NID2: variants seen among roughly 807,000 people sequenced by gnomAD.
NID2 encodes nidogen-2.
A neutral mutation model predicts 145.4 loss-of-function variants in NID2; 83 were observed. That is an observed-to-expected ratio of 0.57 (90% confidence interval 0.48 to 0.69). The LOEUF is 0.69. Ranked by LOEUF, NID2 falls within the 30% of genes least tolerant of loss-of-function variation. The pLI, the probability that NID2 is intolerant of heterozygous loss-of-function variation, is 0.00. For synonymous variants in NID2, 739 were observed against 701.3 expected, an observed-to-expected ratio of 1.05 and a Z score of -0.85; for missense variants, 1,807 against 1,765.7, an observed-to-expected ratio of 1.02 and a Z score of -0.42.
chr14:52,005,327 T>G lies in NID2; in HGVS notation c.*159A>C. The G allele has an allele frequency of 1.8e-6, 1 of 541,078 alleles. No individual in the cohort carries two copies. The highest frequency in any genetic ancestry group is 3.1e-5 in the East Asian group (1 of 32,076). 33.5% of individuals were successfully genotyped at this position (541,078 alleles called of 1,614,324 possible). A position where few individuals can be genotyped will look rare whatever the true frequency, so the allele number is the denominator to read the frequency against. ...CAGTAGTAAAGATTGAGGTATCAGC[T>G]TTTCACAAAAGTCTTTTTGCACTAC... On this transcript the variant is annotated 3_prime_UTR_variant, in exon 22 of 22. Transcript: ENST00000216286.
Position 52,019,289 on chromosome 14 carries a change from T to G in NID2, c.2800A>C (p.Thr934Pro). The change falls in exon 14 of 22, where the codon ACC (threonine) becomes CCC (proline). Residue 934 changes from threonine (T) to proline (P), a missense_variant. By Grantham distance (38) the Thr-to-Pro change is conservative. Coordinates refer to ENST00000216286, the MANE Select transcript of NID2 (RefSeq NM_007361.4). ...TGTTCACAGGGTGTCAGGCTTGAGG[T>G]GGAGTCTTCCAGGATCAAGGCAGAG... ...GDGFQCIPDSTSSLTPCEQQQ... is the reference protein window; with the variant it reads ...GDGFQCIPDSPSSLTPCEQQQ... 1 of 1,582,660 alleles carries G rather than the reference T, an allele frequency of 6.3e-7. No homozygotes were observed. The highest frequency in any genetic ancestry group is 8.6e-7 in the Non-Finnish European group (1 of 1,156,764).
chr14:52,064,704 A>T (rs950004101), intron 2 of NID2, among the ~76,000 whole-genome samples: 1 of 152,144 alleles, frequency 6.6e-6, no homozygotes, highest in Admixed American at 6.5e-5. Flanking sequence ...TGACTCCTTC[A>T]TCCATTTCTC....
At chr14:52,046,012 A>G (rs1892477861) in intron 5 of NID2, among the ~76,000 whole-genome samples, 1 of 152,180 alleles carries the variant, frequency 6.6e-6, no homozygotes, top group Non-Finnish European at 1.5e-5. Context: ...TAAAAAGGCA[A>G]TCTGCTATAG....
At chr14:52,058,975 T>C (rs1172010018) in intron 3 of NID2, among the ~76,000 whole-genome samples, 1 of 151,674 alleles carries the variant, frequency 6.6e-6, no homozygotes, top group Non-Finnish European at 1.5e-5. Flanking sequence ...CCAATGTGGA[T>C]CATAAGGATG....
rs1377678729 is a variant in NID2, at chr14:52,007,983, C to G, written c.3723-16G>C. 1.4e-5 allele frequency: 23 copies of G among 1,590,330 alleles called. No homozygotes were observed. Among genetic ancestry groups the G allele is most frequent in the Admixed American group, 1.9e-5 (1 of 53,970 alleles). On this transcript the variant is annotated splice_polypyrimidine_tract_variant and intron_variant, in intron 18 of 21. Transcript: ENST00000216286. ...GTACAAGTTGCTGTAAGTTAAAAAT[C>G]AAGATTGTAAAAGAATAGCCATGTA... is the stretch of plus-strand genomic sequence containing the variant.
intron 16 of NID2, 76 bp from the exon 17 acceptor site, chr14:52,011,759 T>TG: frequency 1.9e-6 from 3 of 1,543,088 alleles, no homozygotes; most frequent in African/African-American, 1.4e-5. Flanking sequence ...GCCTTGCTCA[T>TG]GCACAGCTGC....
rs2140442250 is a variant in NID2, at chr14:52,068,146, G to T, written c.246C>A (p.Ile82=). Reference sequence around the variant, plus strand: ...CCCTGGGGAAGTCCTGAGTGGAGATGATGCCGTTGGTGCCCACCTGGGAGA... The same window carrying T: ...CCCTGGGGAAGTCCTGAGTGGAGATTATGCCGTTGGTGCCCACCTGGGAGA... ...FSNLYVGTNG[I]ISTQDFPRET... is the part of the protein sequence containing the mutation. The change falls in exon 2 of 22, where the codon ATC becomes ATA. Residue 82 remains isoleucine, a synonymous_variant. Transcript: ENST00000216286. 1 of 1,613,158 alleles carries T rather than the reference G, an allele frequency of 6.2e-7. No homozygotes were observed. Among genetic ancestry groups the T allele is most frequent in the East Asian group, 2.2e-5 (1 of 44,872 alleles).
chr14:52,023,251 T>C (rs868726870), intron 12 of NID2, among the ~76,000 whole-genome samples: 3 of 151,154 alleles, frequency 2.0e-5, no homozygotes, highest in African/African-American at 7.3e-5. Context: ...CTGAGGGGGG[T>C]AGATCGATTG....
At chr14:52,050,133 C>T (rs953736871) in intron 5 of NID2, among the ~76,000 whole-genome samples, 6 of 152,192 alleles carry the variant, frequency 3.9e-5, no homozygotes, top group East Asian at 1.9e-4. Flanking sequence ...AATTAAGCTG[C>T]GTATAGCACT....
intron 1 of NID2, 87 bp downstream of exon 1, chr14:52,068,680 T>C: frequency 8.1e-7 from 1 of 1,240,326 alleles, no homozygotes; most frequent in Non-Finnish European, 1.1e-6. Flanking sequence ...GTGGGGTCTG[T>C]TTCCTCCCCT....
intron 14 of NID2, among the ~76,000 whole-genome samples, chr14:52,018,139 G>GA (rs751626205): frequency 7.9e-5 from 12 of 152,022 alleles, no homozygotes; most frequent in Non-Finnish European, 1.3e-4. Context: ...CATTAAAAGG[G>GA]AAAAAAACTA....
At chr14:52,008,971 G>A (rs1418190313) in intron 18 of NID2, 1 of 152,176 alleles carries the variant, frequency 6.6e-6, no homozygotes, top group African/African-American at 2.4e-5. Context: ...GTGGAAATAG[G>A]TTATAAGGAA....
At chr14:52,055,539 T>C (rs1892817230) in intron 3 of NID2, among the ~76,000 whole-genome samples, 1 of 152,198 alleles carries the variant, frequency 6.6e-6, no homozygotes, top group Non-Finnish European at 1.5e-5. Flanking sequence ...GTTTTCTCCA[T>C]GAGAAAAGAA....
intron 19 of NID2, 120 bp from the exon 20 acceptor site, chr14:52,006,780 CAT>C: frequency 9.5e-7 from 1 of 1,056,410 alleles, no homozygotes; most frequent in Non-Finnish European, 1.4e-6. Context: ...CCATTACAGT[CAT>C]AGATTAGCAA....
In NID2 at chr14:52,068,179, G is replaced by A. The variant is rs1893294698; in HGVS notation, c.229-16C>T. The A allele has an allele frequency of 2.5e-6, 4 of 1,610,828 alleles. No individual in the cohort carries two copies. The highest frequency in any genetic ancestry group is 1.1e-5 in the South Asian group (1 of 90,192). ...TGGTGCCCACCTGGGAGAGGAGAGG[G>A]ACAAAAAGGTGACAGTCGCTCAAGC... On this transcript the variant is annotated splice_polypyrimidine_tract_variant and intron_variant, in intron 1 of 21. Coordinates refer to ENST00000216286, the MANE Select transcript of NID2 (RefSeq NM_007361.4).
At chr14:52,059,591 T>A (rs1489757867) in intron 3 of NID2, among the ~76,000 whole-genome samples, 1 of 152,248 alleles carries the variant, frequency 6.6e-6, no homozygotes, top group Non-Finnish European at 1.5e-5. Context: ...TAAATGCCCA[T>A]TATGGGCAGA....
Position 52,067,986 on chromosome 14 carries a change from C to T in NID2, c.406G>A (p.Ala136Thr), listed in dbSNP as rs779224747. The T allele has an allele frequency of 6.2e-7, 1 of 1,611,158 alleles. No homozygotes were observed. Among genetic ancestry groups the T allele is most frequent in the East Asian group, 2.2e-5 (1 of 44,840 alleles). The stretch of plus-strand genomic sequence containing the variant: ...AAGCCAGCGCGCACATAGCGGGCGG[C>T]CAGGCCCAGCACTGCGGGGGAGGTG... ...EDTSPAVLGL[A>T]ARYVRAGFPR... Residue 136 changes from alanine (A) to threonine (T), a missense_variant, in exon 2 of 22, where the codon GCC becomes ACC. By Grantham distance (58) the Ala-to-Thr change is moderately conservative. Coordinates refer to ENST00000216286, the MANE Select transcript of NID2 (RefSeq NM_007361.4).
chr14:52,040,265 T>A (rs964633446), intron 8 of NID2, among the ~76,000 whole-genome samples: 4 of 151,530 alleles, frequency 2.6e-5, no homozygotes, highest in South Asian at 2.1e-4. Context: ...TTTTTTTTTT[T>A]AAAGCAGCCT....
chr14:52,030,501 G>A lies in NID2; in HGVS notation c.2258-811C>T, dbSNP rs1232973863. Among the ~76,000 whole-genome samples, 35 of 34,928 alleles carry A rather than the reference G, an allele frequency of 1.0e-3. 1 individual carries two copies. Among genetic ancestry groups the A allele is most frequent in the Admixed American group, 2.4e-3 (10 of 4,248 alleles). The allele number at this position is 34,928 out of a possible 152,430, so 22.9% of individuals were successfully genotyped here. On this transcript the variant is annotated intron_variant, in intron 9 of 21. Transcript: ENST00000216286. ...GAAAGAAAAGAAAGAAAGAAAGAAA[G>A]AGAAAGAAAGAAAGAAAAGAAAGAA...
Sources: gnomAD v4.1 joint callset for allele counts (sites outside exome capture counted in the v4.1 genomes callset) on GRCh38, gnomAD v4.1.1 for gene constraint, MANE v1.5 for transcripts, NCBI Gene and HGNC (gene_info 2026-07-23, HGNC 2026-07-21) for gene names.